Variants in COL4A3 observed in about 807,000 individuals in gnomAD.
COL4A3 encodes collagen type IV alpha 3 chain, also known as collagen alpha-3(IV) chain.
COL4A3 carries 135 observed loss-of-function variants against 217.4 expected under a neutral mutation model. The observed-to-expected ratio is 0.62, with a 90% CI of 0.54 to 0.72. The LOEUF (loss-of-function observed/expected upper bound fraction) is 0.72, where lower values mean the gene tolerates loss of function less well. COL4A3 is among the 30% of genes least tolerant of loss of function. COL4A3 has a pLI of 0.00. For missense variants in COL4A3, 1,868 were observed against 2,119.9 expected (o/e 0.88, Z 2.33); for synonymous variants, 690 against 736.3 (o/e 0.94, Z 1.02).
chr2:227,267,230 T>A, intron 23 of COL4A3, 142 bp downstream of exon 23: 1 of 703,364 alleles, frequency 1.4e-6, no homozygotes, highest in Non-Finnish European at 2.5e-6. Context: ...TATATTCTAT[T>A]AACATAAAGT....
At position 227,164,914 on chromosome 2, in the gene COL4A3, G is replaced by A. The variant is rs918570217; in HGVS notation, c.87+101G>A. ...ACCCGCAGCGGCGCGGTAGTGGAGC[G>A]GCTGCCGGGCTAGTGGCGAGGCTGA... On this transcript the variant is annotated intron_variant, in intron 1 of 51. Transcript: ENST00000396578. The surrounding 1 kb of genome is among the most constrained non-coding windows in gnomAD (Gnocchi z 4.8). 7 of 1,326,664 alleles carry A rather than the reference G, an allele frequency of 5.3e-6. No homozygotes were observed. The highest frequency in any genetic ancestry group is 5.9e-6 in the Non-Finnish European group (6 of 1,021,440). 82.2% of individuals were successfully genotyped at this position (1,326,664 alleles called of 1,614,324 possible).
At chr2:227,199,182 G>A (rs2066591896) in intron 1 of COL4A3, among the ~76,000 whole-genome samples, 1 of 152,196 alleles carries the variant, frequency 6.6e-6, no homozygotes, top group Non-Finnish European at 1.5e-5. Context: ...AGGGGCCTTT[G>A]AGTGAGATGT....
At chr2:227,170,021 T>C (rs2065419501) in intron 1 of COL4A3, among the ~76,000 whole-genome samples, 1 of 152,208 alleles carries the variant, frequency 6.6e-6, no homozygotes. Flanking sequence ...GCTCTTCTGG[T>C]TGAATTTTAG....
At position 227,249,230 on chromosome 2, in the gene COL4A3, A is replaced by ATTTTTTTT. The variant is rs1247683938; in HGVS notation, c.546+726_546+733dup. On this transcript the variant is annotated intron_variant, in intron 9 of 51. Coordinates refer to ENST00000396578, the MANE Select transcript of COL4A3 (RefSeq NM_000091.5). ...TTAGCTAGTATATATATATATATAT[A>ATTTTTTTT]TTTTTTTTTTTTTTTTTTTTTTTGA... Among the ~76,000 whole-genome samples the ATTTTTTTT allele has an allele frequency of 1.3e-3, 19 of 14,694 alleles. 3 individuals carry two copies. The highest frequency in any genetic ancestry group is 2.0e-3 in the Non-Finnish European group (16 of 8,026). The allele number at this position is 14,694 out of a possible 152,430, so 9.6% of individuals were successfully genotyped here. A position where few individuals can be genotyped will look rare whatever the true frequency, so the allele number is the denominator to read the frequency against.
chr2:227,270,226 A>G (rs1326092727), intron 24 of COL4A3, among the ~76,000 whole-genome samples: 1 of 152,216 alleles, frequency 6.6e-6, no homozygotes, highest in Non-Finnish European at 1.5e-5. Flanking sequence ...GTGGGAACAG[A>G]GGTTCATTGC....
intron 1 of COL4A3, among the ~76,000 whole-genome samples, chr2:227,209,523 C>T (rs2067234185): frequency 6.6e-6 from 1 of 152,192 alleles, no homozygotes; most frequent in African/African-American, 2.4e-5. Flanking sequence ...GGAACTCCAC[C>T]TCCTCTGTGT....
intron 1 of COL4A3, among the ~76,000 whole-genome samples, chr2:227,224,939 T>A (rs2068005616): frequency 6.6e-6 from 1 of 152,206 alleles, no homozygotes; most frequent in African/African-American, 2.4e-5. Flanking sequence ...TTTGACAGGG[T>A]TTCACTCTGT....
At chr2:227,212,978 G>T (rs910635574) in intron 1 of COL4A3, among the ~76,000 whole-genome samples, 6 of 152,110 alleles carry the variant, frequency 3.9e-5, no homozygotes, top group African/African-American at 1.4e-4. Flanking sequence ...ACTAAACATG[G>T]CTCTTGACTC....
intron 1 of COL4A3, among the ~76,000 whole-genome samples, chr2:227,200,665 G>A (rs1239658094): frequency 6.6e-6 from 1 of 152,164 alleles, no homozygotes; most frequent in Non-Finnish European, 1.5e-5. Context: ...AATGTTTTGG[G>A]TCTCAATTGC....
At chr2:227,311,006 T>A in intron 51 of COL4A3, 58 bp downstream of exon 51, 1 of 1,598,204 alleles carries the variant, frequency 6.3e-7, no homozygotes, top group Non-Finnish European at 8.6e-7. Flanking sequence ...ATTCAAAGGT[T>A]GCCTGTGTTC....
chr2:227,260,102 T>G (rs1356164045), intron 19 of COL4A3: 1 of 704,902 alleles, frequency 1.4e-6, no homozygotes, highest in Admixed American at 1.8e-5. Context: ...TAGCAAAACA[T>G]AAAGTTCAAA....
At chr2:227,290,197 T>A in intron 36 of COL4A3, 109 bp downstream of exon 36, 1 of 1,095,880 alleles carries the variant, frequency 9.1e-7, no homozygotes, top group Non-Finnish European at 1.4e-6. Context: ...AAGCTTATAT[T>A]AAAAAACTAG....
At chr2:227,266,024 C>A (rs1294134043) in intron 21 of COL4A3, 2 of 229,062 alleles carry the variant, frequency 8.7e-6, no homozygotes, top group South Asian at 6.2e-5. Context: ...AGGGTAACTG[C>A]CCCCATGATT....
rs1233903672 is a variant in COL4A3 at position 227,202,952 on chromosome 2, T to TAC, written c.88-35014_88-35013dup. Reference sequence around the variant, plus strand: ...ATATATGTGTATATATGTGTATATATACATATATGTGTATATATGTGTATA... The same window carrying TAC: ...ATATATGTGTATATATGTGTATATATACACATATATGTGTATATATGTGTATA... On this transcript the variant is annotated intron_variant, in intron 1 of 51. Coordinates refer to ENST00000396578, the MANE Select transcript of COL4A3 (RefSeq NM_000091.5). Among the ~76,000 whole-genome samples the TAC allele has an allele frequency of 1.1e-4, 4 of 36,096 alleles. 2 individuals carry two copies. In the East Asian group the frequency reaches 3.4e-3, roughly 30 times the overall value. 23.7% of individuals were successfully genotyped at this position (36,096 alleles called of 152,430 possible).
At chr2:227,257,472 T>A in intron 17 of COL4A3, 131 bp from the exon 18 acceptor site, 1 of 773,238 alleles carries the variant, frequency 1.3e-6, no homozygotes, top group South Asian at 1.5e-5. Context: ...CAGTGTCTCT[T>A]TAACTTTAAT....
Position 227,238,206 on chromosome 2 carries a change from G to A in COL4A3, c.144+182G>A, listed in dbSNP as rs11901257. On this transcript the variant is annotated intron_variant, in intron 2 of 51. Coordinates refer to ENST00000396578, the MANE Select transcript of COL4A3 (RefSeq NM_000091.5). ...AAAAAAAAAGAAAAAAGTCATCTAGGAAGCTTCAGATACCTTGTATATACA... is the reference window on the plus strand; with the variant it reads ...AAAAAAAAAGAAAAAAGTCATCTAGAAAGCTTCAGATACCTTGTATATACA... 145,420 of 483,614 alleles carry A rather than the reference G, an allele frequency of 0.3. 24,576 individuals are homozygous for A. Among genetic ancestry groups the A allele is most frequent in the Non-Finnish European group, 0.35 (92,803 of 265,008 alleles). The allele number at this position is 483,614 out of a possible 1,614,324, so 30.0% of individuals were successfully genotyped here. A position where few individuals can be genotyped will look rare whatever the true frequency, so the allele number is the denominator to read the frequency against.
intron 1 of COL4A3, among the ~76,000 whole-genome samples, chr2:227,184,947 G>GC (rs2065976238): frequency 7.4e-6 from 1 of 134,922 alleles, no homozygotes; most frequent in African/African-American, 2.8e-5. Flanking sequence ...TGTCGCCCAG[G>GC]CTGGAGTGCA....
intron 1 of COL4A3, among the ~76,000 whole-genome samples, chr2:227,209,640 G>A (rs1206393054): frequency 6.6e-6 from 1 of 152,142 alleles, no homozygotes; most frequent in African/African-American, 2.4e-5. Flanking sequence ...AGGAGTTCGA[G>A]ACCAGCCTGG....
intron 5 of COL4A3, 68 bp from the exon 6 acceptor site, chr2:227,245,886 T>G (rs2069305518): frequency 9.1e-7 from 1 of 1,097,324 alleles, no homozygotes; most frequent in South Asian, 1.2e-5. Context: ...AATCAGTGCA[T>G]CTTTTCCCTT....
Sources: gnomAD v4.1 joint callset for allele counts (sites outside exome capture counted in the v4.1 genomes callset) on GRCh38, gnomAD v4.1.1 for gene constraint, Gnocchi (gnomAD v3.1) non-coding constraint, MANE v1.5 for transcripts, NCBI Gene and HGNC (gene_info 2026-07-23, HGNC 2026-07-21) for gene names.